Variants in HORMAD2 observed in about 807,000 individuals in gnomAD.
HORMAD2 encodes HORMA domain-containing protein 2.
A neutral mutation model predicts 38.8 loss-of-function variants in HORMAD2; 45 were observed. The ratio of observed to expected loss-of-function variants is 1.16; its 90% CI spans 0.91 to 1.49. The LOEUF (loss-of-function observed/expected upper bound fraction) is 1.49. Among genes scored for constraint, HORMAD2 ranks in the 40% most tolerant of loss-of-function variants. HORMAD2 has a pLI of 0.00. For synonymous variants in HORMAD2, 126 were observed against 122.8 expected (o/e 1.03, Z -0.17); for missense variants, 338 against 367.0 (o/e 0.92, Z 0.65).
At position 30,121,613 on chromosome 22, in the gene HORMAD2, T is replaced by C. The variant is rs1192804326; in HGVS notation, c.411-19T>C. The C allele has an allele frequency of 6.5e-7, 1 of 1,550,042 alleles. No homozygotes were observed. Among genetic ancestry groups the C allele is most frequent in the South Asian group, 1.2e-5 (1 of 81,342 alleles). ...CACTATTGTATATGATCAAAAAGTA[T>C]GCTTTTTTTTCTGTGTAGTCATAGC... On this transcript the variant is annotated intron_variant, in intron 8 of 10. Transcript: ENST00000336726.
chr22:30,204,889 T>A, the HORMAD2 span, among the ~76,000 whole-genome samples: 1 of 152,096 alleles, frequency 6.6e-6, no homozygotes. Flanking sequence ...TGCCAAGCCA[T>A]CTCTTGGCAC....
chr22:30,150,951 A>G (rs1924710636), intron 10 of HORMAD2, among the ~76,000 whole-genome samples: 1 of 152,196 alleles, frequency 6.6e-6, no homozygotes, highest in African/African-American at 2.4e-5. Flanking sequence ...TGGCCCTGCA[A>G]AACTGGGGAG....
chr22:30,112,356 C>A, intron 6 of HORMAD2, 140 bp from the exon 7 acceptor site: 1 of 577,684 alleles, frequency 1.7e-6, no homozygotes, highest in South Asian at 2.2e-5. Context: ...ACAAAATAAG[C>A]ATATCCTATC....
intron 1 of HORMAD2, among the ~76,000 whole-genome samples, chr22:30,088,228 T>C (rs1352739901): frequency 6.7e-6 from 1 of 150,092 alleles, no homozygotes; most frequent in Middle Eastern, 3.3e-3. Context: ...CATATATACA[T>C]ATATACACAC....
chr22:30,124,528 C>T (rs1336867473), intron 10 of HORMAD2, among the ~76,000 whole-genome samples: 1 of 152,180 alleles, frequency 6.6e-6, no homozygotes, highest in East Asian at 1.9e-4. Flanking sequence ...TTCATGATAA[C>T]CTTTCCTTGC....
At chr22:30,205,944 C>T in the HORMAD2 span, among the ~76,000 whole-genome samples, 1 of 152,068 alleles carries the variant, frequency 6.6e-6, no homozygotes, top group Non-Finnish European at 1.5e-5. Flanking sequence ...TCCTGTGGGA[C>T]GAAGCAAGGG....
chr22:30,163,967 T>C (rs1481085402), intron 10 of HORMAD2, among the ~76,000 whole-genome samples: 2 of 152,126 alleles, frequency 1.3e-5, no homozygotes, highest in Non-Finnish European at 2.9e-5. Context: ...CCTCTCCCCA[T>C]AGTCCCTGGC....
At chr22:30,114,823 A>G (rs1463480981) in intron 7 of HORMAD2, among the ~76,000 whole-genome samples, 1 of 152,212 alleles carries the variant, frequency 6.6e-6, no homozygotes, top group Non-Finnish European at 1.5e-5. Flanking sequence ...TCTGTGCTAT[A>G]AGTTTTGTTC....
downstream of HORMAD2, among the ~76,000 whole-genome samples, chr22:30,178,525 A>T (rs952576427): frequency 7.9e-5 from 12 of 152,352 alleles, no homozygotes; most frequent in Non-Finnish European, 1.6e-4. Context: ...GCAACCAGCT[A>T]TCAATATTGG....
At chr22:30,118,651 A>G (rs1922220568) in intron 7 of HORMAD2, among the ~76,000 whole-genome samples, 1 of 152,162 alleles carries the variant, frequency 6.6e-6, no homozygotes, top group Admixed American at 6.5e-5. Context: ...TCAATACAAT[A>G]TTTGTTACAT....
chr22:30,205,705 G>C, the HORMAD2 span, among the ~76,000 whole-genome samples: 1 of 152,148 alleles, frequency 6.6e-6, no homozygotes, highest in Non-Finnish European at 1.5e-5. Flanking sequence ...GATGAGTCTT[G>C]GGGGAGGGAG....
chr22:30,083,683 T>C (rs971689185), intron 1 of HORMAD2, among the ~76,000 whole-genome samples: 3 of 152,160 alleles, frequency 2.0e-5, no homozygotes, highest in Admixed American at 6.6e-5. Flanking sequence ...TGGTGCAATC[T>C]CGGCTCACTG....
rs1372643169 is a variant in HORMAD2 at position 30,121,628 on chromosome 22, G to T, written c.411-4G>T. 1.3e-6 allele frequency: 2 copies of T among 1,569,886 alleles called. No individual in the cohort carries two copies. The highest frequency in any genetic ancestry group is 3.9e-5 in the Admixed American group (2 of 50,852). ...TCAAAAAGTATGCTTTTTTTTCTGT[G>T]TAGTCATAGCAGCAGTACAAGCTTT... is the stretch of plus-strand genomic sequence containing the variant. On this transcript the variant is annotated splice_region_variant and splice_polypyrimidine_tract_variant and intron_variant, in intron 8 of 10. Transcript: ENST00000336726.
intron 5 of HORMAD2, among the ~76,000 whole-genome samples, chr22:30,110,630 C>G (rs1921564311): frequency 6.6e-6 from 1 of 151,900 alleles, no homozygotes; most frequent in Non-Finnish European, 1.5e-5. Flanking sequence ...AGGCAGTCTA[C>G]CCACCTTGGC....
At chr22:30,163,532 T>C (rs1279346154) in intron 10 of HORMAD2, among the ~76,000 whole-genome samples, 1 of 152,170 alleles carries the variant, frequency 6.6e-6, no homozygotes, top group Admixed American at 6.5e-5. Flanking sequence ...ACAAGCAATC[T>C]TCTGCCACAT....
chr22:30,121,383 T>C (rs1454067599), intron 8 of HORMAD2, among the ~76,000 whole-genome samples: 1 of 152,234 alleles, frequency 6.6e-6, no homozygotes, highest in Admixed American at 6.5e-5. Flanking sequence ...TTGTGGTATA[T>C]GATTTTTTTC....
chr22:30,162,988 C>T (rs1601590463), intron 10 of HORMAD2, among the ~76,000 whole-genome samples: 2 of 152,288 alleles, frequency 1.3e-5, no homozygotes, highest in African/African-American at 4.8e-5. Flanking sequence ...AGGCGTGAGC[C>T]ACCACGCCTG....
intron 10 of HORMAD2, among the ~76,000 whole-genome samples, chr22:30,147,436 A>T (rs933340020): frequency 6.6e-6 from 1 of 152,146 alleles, no homozygotes; most frequent in Non-Finnish European, 1.5e-5. Flanking sequence ...AATGAACCTC[A>T]ATCCTTACCT....
chr22:30,090,042 C>A (rs1185416624), intron 1 of HORMAD2, among the ~76,000 whole-genome samples: 12 of 152,158 alleles, frequency 7.9e-5, no homozygotes, highest in Non-Finnish European at 1.8e-4. Context: ...CACATTGTTG[C>A]ATGTATCAGA....
Sources: allele counts gnomAD v4.1 joint callset (sites outside exome capture counted in the v4.1 genomes callset), GRCh38; gene constraint gnomAD v4.1.1; transcripts MANE v1.5; gene names NCBI Gene and HGNC (gene_info 2026-07-23, HGNC 2026-07-21).